Variants in DPYD observed in about 807,000 individuals in gnomAD.
DPYD encodes dihydropyrimidine dehydrogenase [NADP(+)].
DPYD carries 109 observed loss-of-function variants against 116.2 expected under a neutral mutation model. The observed-to-expected ratio is 0.94, with a 90% CI of 0.80 to 1.10. The LOEUF (loss-of-function observed/expected upper bound fraction) is 1.10. Ranked by LOEUF, DPYD falls within the 50% of genes least tolerant of loss-of-function variation. The pLI, the probability that DPYD is intolerant of heterozygous loss-of-function variation, is 0.00. For synonymous variants in DPYD, 440 were observed against 432.0 expected, an observed-to-expected ratio of 1.02 and a Z score of -0.23; for missense variants, 1,302 against 1,254.5, an observed-to-expected ratio of 1.04 and a Z score of -0.57.
Position 97,148,134 on chromosome 1 carries a change from CA to C in DPYD, c.2622+44934del, listed in dbSNP as rs767100071. ...TGAAATGTCTGGAGCCTTAAGCTGT[CA>C]TGCATGACAAGAACAGCTCTTTAGT... On this transcript the variant is annotated intron_variant, in intron 20 of 22. Coordinates refer to ENST00000370192, the MANE Select transcript of DPYD (RefSeq NM_000110.4). Among the ~76,000 whole-genome samples the C allele has an allele frequency of 7.2e-5, 11 of 152,108 alleles. No homozygotes were observed. The East Asian group carries it at 9.7e-4, about 13-fold the overall frequency.
intron 3 of DPYD, among the ~76,000 whole-genome samples, chr1:97,771,646 T>C (rs1015779825): frequency 4.6e-5 from 7 of 152,230 alleles, no homozygotes; most frequent in Non-Finnish European, 5.9e-5. Flanking sequence ...AACAGCTAGA[T>C]GAATGCATTA....
intron 14 of DPYD, among the ~76,000 whole-genome samples, chr1:97,393,263 A>G (rs936499500): frequency 6.6e-6 from 1 of 151,348 alleles, no homozygotes; most frequent in African/African-American, 2.4e-5. Context: ...CTTAGAGGCC[A>G]TTGTTGAGTT....
At chr1:97,683,740 T>C (rs1660557000) in intron 7 of DPYD, among the ~76,000 whole-genome samples, 1 of 151,992 alleles carries the variant, frequency 6.6e-6, no homozygotes, top group African/African-American at 2.4e-5. Flanking sequence ...TAAAATCAAT[T>C]GAGAGTATGC....
intron 21 of DPYD, among the ~76,000 whole-genome samples, chr1:97,089,284 T>C (rs1649732243): frequency 1.3e-5 from 2 of 152,112 alleles, no homozygotes; most frequent in Admixed American, 1.3e-4. Context: ...GTGGAAAGCA[T>C]TCGGGGGACT....
intron 6 of DPYD, among the ~76,000 whole-genome samples, chr1:97,692,182 A>G (rs1661044374): frequency 6.6e-6 from 1 of 152,104 alleles, no homozygotes; most frequent in Non-Finnish European, 1.5e-5. Flanking sequence ...ATGGAGATAT[A>G]GATTTTAATA....
chr1:97,289,984 G>A (rs75728044), intron 18 of DPYD, among the ~76,000 whole-genome samples: 36,849 of 151,934 alleles, frequency 0.24, 5,459 homozygotes, highest in Admixed American at 0.39. Context: ...AGCAACTTCA[G>A]CAAAGTCTCA....
At position 97,422,833 on chromosome 1, in the gene DPYD, A is replaced by T. The variant is rs150722900; in HGVS notation, c.1905+27226T>A. On this transcript the variant is annotated intron_variant, in intron 14 of 22. Transcript: ENST00000370192. ...ATTACAAAATGTGGTAAGTGCTACA[A>T]ACAAGATGCTATCCAAAATAAATGA... is the stretch of plus-strand genomic sequence containing the variant. Among the ~76,000 whole-genome samples the T allele has an allele frequency of 7.2e-5, 11 of 152,300 alleles. No individual in the cohort carries two copies. In the East Asian group the frequency reaches 2.1e-3, roughly 29 times the overall value.
intron 16 of DPYD, among the ~76,000 whole-genome samples, chr1:97,366,784 C>T (rs1156840749): frequency 6.6e-6 from 1 of 152,162 alleles, no homozygotes; most frequent in African/African-American, 2.4e-5. Flanking sequence ...CAGTGATCCT[C>T]ACCTTAGATT....
At chr1:97,773,260 T>C (rs1280628485) in intron 3 of DPYD, among the ~76,000 whole-genome samples, 6 of 152,190 alleles carry the variant, frequency 3.9e-5, no homozygotes, top group African/African-American at 4.8e-5. Flanking sequence ...CAAGTAAAAT[T>C]TGAATCCAGG....
chr1:97,730,524 T>C (rs1044043616), intron 4 of DPYD, among the ~76,000 whole-genome samples: 21 of 152,192 alleles, frequency 1.4e-4, no homozygotes, highest in Admixed American at 5.9e-4. Context: ...GCACCTGGCC[T>C]ACTTATCCTT....
Position 97,901,114 on chromosome 1 carries a change from C to A in DPYD, c.40-17740G>T, listed in dbSNP as rs192424212. On this transcript the variant is annotated intron_variant, in intron 1 of 22. Transcript: ENST00000370192. Reference sequence around the variant, plus strand: ...GAGAGCTTACAGTATGCCAGGCACCCCTTCAAGTGTTTTTCAAGTACAGAT... The same window carrying A: ...GAGAGCTTACAGTATGCCAGGCACCACTTCAAGTGTTTTTCAAGTACAGAT... 3.2e-4 allele frequency among the ~76,000 whole-genome samples: 48 copies of A among 151,694 alleles called. No homozygotes were observed. The East Asian group carries it at 8.6e-3, about 27-fold the overall frequency.
chr1:97,523,512 T>C (rs1276078814), intron 12 of DPYD, among the ~76,000 whole-genome samples: 1 of 152,142 alleles, frequency 6.6e-6, no homozygotes, highest in Non-Finnish European at 1.5e-5. Context: ...GCTTCTTTAC[T>C]ACATACAGAA....
At chr1:97,611,560 T>A (rs1227303378) in intron 8 of DPYD, among the ~76,000 whole-genome samples, 4 of 152,092 alleles carry the variant, frequency 2.6e-5, no homozygotes, top group Non-Finnish European at 5.9e-5. Context: ...GAAAATTCTA[T>A]AATTAGTATT....
intron 8 of DPYD, among the ~76,000 whole-genome samples, chr1:97,629,729 T>C (rs1338695154): frequency 6.6e-6 from 1 of 152,064 alleles, no homozygotes; most frequent in African/African-American, 2.4e-5. Flanking sequence ...CTAGAAATCT[T>C]TGCCATATAT....
chr1:97,410,227 G>T (rs1288221208), intron 14 of DPYD, among the ~76,000 whole-genome samples: 2 of 152,070 alleles, frequency 1.3e-5, no homozygotes, highest in African/African-American at 4.8e-5. Flanking sequence ...CCAATAAAGT[G>T]AGAATCTTTG....
intron 13 of DPYD, among the ~76,000 whole-genome samples, chr1:97,498,916 A>G (rs1557754681): frequency 1.3e-5 from 2 of 151,676 alleles, no homozygotes; most frequent in South Asian, 4.1e-4. Flanking sequence ...ATAAAGAAAT[A>G]TTTTTTCTTA....
chr1:97,533,418 T>C (rs1036157230), intron 12 of DPYD, among the ~76,000 whole-genome samples: 4 of 152,174 alleles, frequency 2.6e-5, no homozygotes, highest in Admixed American at 2.0e-4. Context: ...ATAAATAACA[T>C]GTTGACAAAT....
At chr1:97,675,331 T>TTA (rs1274993802) in intron 8 of DPYD, among the ~76,000 whole-genome samples, 1 of 152,130 alleles carries the variant, frequency 6.6e-6, no homozygotes, top group Admixed American at 6.6e-5. Context: ...CACCAAAACT[T>TTA]TAGAGTCTTT....
chr1:97,309,283 C>T (rs1667346518), intron 16 of DPYD, among the ~76,000 whole-genome samples: 1 of 151,190 alleles, frequency 6.6e-6, no homozygotes, highest in Non-Finnish European at 1.5e-5. Flanking sequence ...GGCATTAATG[C>T]TTCTCCCTGA....
Sources: gnomAD v4.1 joint callset for allele counts (sites outside exome capture counted in the v4.1 genomes callset) on GRCh38, gnomAD v4.1.1 for gene constraint, MANE v1.5 for transcripts, NCBI Gene and HGNC (gene_info 2026-07-23, HGNC 2026-07-21) for gene names.